The following ADARB2 variants were observed in gnomAD, a reference collection of about 807,000 sequenced individuals.
ADARB2 encodes inactive double-stranded RNA-specific editase B2.
A neutral mutation model predicts 62.2 loss-of-function variants in ADARB2; 25 were observed. That is an observed-to-expected ratio of 0.40 (90% CI 0.29 to 0.56). The LOEUF (loss-of-function observed/expected upper bound fraction) is 0.56, where lower values mean the gene tolerates loss of function less well. Among genes scored for constraint, ADARB2 ranks in the 20% least tolerant of loss-of-function variants. ADARB2 has a pLI of 0.43. For missense variants in ADARB2, 1,071 were observed against 1,077.4 expected, an observed-to-expected ratio of 0.99 and a Z score of 0.08; for synonymous variants, 572 against 500.8, an observed-to-expected ratio of 1.14 and a Z score of -1.90.
intron 1 of ADARB2, among the ~76,000 whole-genome samples, chr10:1,427,966 ATTT>A (rs1308185342): frequency 6.9e-6 from 1 of 144,512 alleles, no homozygotes; most frequent in Admixed American, 6.9e-5. Flanking sequence ...AGCCAGTCCC[ATTT>A]TTTTTTTTTT....
At chr10:1,709,602 G>A (rs995321620) in intron 1 of ADARB2, among the ~76,000 whole-genome samples, 1 of 152,214 alleles carries the variant, frequency 6.6e-6, no homozygotes. Flanking sequence ...TGTGTCATTA[G>A]AAAGAGTGAC....
chr10:1,489,027 G>T (rs180691993), intron 1 of ADARB2, among the ~76,000 whole-genome samples: 1 of 152,218 alleles, frequency 6.6e-6, no homozygotes, highest in Non-Finnish European at 1.5e-5. Flanking sequence ...GCTCCTGGCC[G>T]GGTGCCAGCA....
chr10:1,315,452 T>C (rs1034041310), intron 3 of ADARB2, among the ~76,000 whole-genome samples: 1 of 152,246 alleles, frequency 6.6e-6, no homozygotes, highest in African/African-American at 2.4e-5. Context: ...TCATGAAATA[T>C]TGATATGGTT....
At chr10:1,611,505 C>T (rs548277308) in intron 1 of ADARB2, among the ~76,000 whole-genome samples, 1 of 152,206 alleles carries the variant, frequency 6.6e-6, no homozygotes, top group South Asian at 2.1e-4. Context: ...TCCCCATTCC[C>T]CAAATGCTGG....
intron 1 of ADARB2, among the ~76,000 whole-genome samples, chr10:1,466,104 C>T (rs965629497): frequency 2.0e-5 from 3 of 152,264 alleles, no homozygotes; most frequent in East Asian, 1.9e-4. Flanking sequence ...TCCCGTCCAT[C>T]GGGTTAAACC....
intron 1 of ADARB2, among the ~76,000 whole-genome samples, chr10:1,721,449 T>C (rs1835091458): frequency 6.6e-6 from 1 of 152,240 alleles, no homozygotes; most frequent in Non-Finnish European, 1.5e-5. Flanking sequence ...AGTGGGATTC[T>C]ATTTATACTG....
chr10:1,429,888 C>T (rs1830762690), intron 1 of ADARB2, among the ~76,000 whole-genome samples: 1 of 152,114 alleles, frequency 6.6e-6, no homozygotes, highest in Non-Finnish European at 1.5e-5. Flanking sequence ...CTCTCTCCTC[C>T]CCTCATCTCC....
intron 1 of ADARB2, among the ~76,000 whole-genome samples, chr10:1,639,265 C>T (rs1383657625): frequency 2.0e-5 from 3 of 152,230 alleles, no homozygotes; most frequent in Non-Finnish European, 2.9e-5. Flanking sequence ...TGACCGCATC[C>T]AGGAGGCTGA....
chr10:1,636,689 T>G (rs1475085673), intron 1 of ADARB2, among the ~76,000 whole-genome samples: 1 of 150,926 alleles, frequency 6.6e-6, no homozygotes, highest in Non-Finnish European at 1.5e-5. Context: ...TAGATAGATA[T>G]CTATCTATCT....
At chr10:1,372,941 T>C (rs1832385918) in intron 2 of ADARB2, among the ~76,000 whole-genome samples, 1 of 151,988 alleles carries the variant, frequency 6.6e-6, no homozygotes, top group African/African-American at 2.4e-5. Context: ...ACCAAGGAGA[T>C]GAAAGATAGC....
intron 1 of ADARB2, among the ~76,000 whole-genome samples, chr10:1,567,181 C>G (rs1490186732): frequency 6.6e-6 from 1 of 151,872 alleles, no homozygotes; most frequent in East Asian, 1.9e-4. Flanking sequence ...GTGGGTCCTC[C>G]CCCCACCGAG....
chr10:1,467,517 CT>C (rs1181749423), intron 1 of ADARB2, among the ~76,000 whole-genome samples: 6 of 152,184 alleles, frequency 3.9e-5, no homozygotes. Flanking sequence ...GAAGCCACAT[CT>C]GGCTCAGGAT....
Position 1,216,988 on chromosome 10 carries a change from G to T in ADARB2, c.1645C>A (p.Gln549Lys). 6.2e-7 allele frequency: 1 copy of T among 1,609,334 alleles called. No homozygotes were observed. Residue 549 changes from glutamine to lysine, a missense_variant, in exon 7 of 10, where the codon CAG becomes AAG. Transcript: ENST00000381312. The part of the protein sequence containing the change: ...QTWDGVLLGE[Q>K]LITMSCTDKI... ...TCCGTGCAGGACATGGTGATCAGCT[G>T]CTCCCCCAGCAGGACGCCGTCCCAG...
intron 1 of ADARB2, among the ~76,000 whole-genome samples, chr10:1,712,312 A>G (rs1330579134): frequency 1.3e-5 from 2 of 152,350 alleles, no homozygotes; most frequent in African/African-American, 4.8e-5. Flanking sequence ...TTTATTATGT[A>G]AAAATTAATA....
intron 1 of ADARB2, among the ~76,000 whole-genome samples, chr10:1,637,821 C>A (rs965015221): frequency 6.6e-6 from 1 of 152,204 alleles, no homozygotes. Context: ...CCTACTGCTC[C>A]GGGCTGCCTC....
intron 1 of ADARB2, among the ~76,000 whole-genome samples, chr10:1,628,262 A>C (rs1054118109): frequency 6.6e-6 from 1 of 152,204 alleles, no homozygotes; most frequent in Non-Finnish European, 1.5e-5. Flanking sequence ...TCAGTACTTT[A>C]TGATAACAGC....
intron 1 of ADARB2, among the ~76,000 whole-genome samples, chr10:1,698,237 T>C (rs998854236): frequency 4.6e-5 from 7 of 152,196 alleles, no homozygotes; most frequent in South Asian, 2.1e-4. Context: ...ATGAACAGCC[T>C]TAATCAAGTT....
rs1835171031 is a variant in ADARB2, at chr10:1,726,781, C to G, written c.100+10270G>C. ...CTTGCAGGTGAGGGAGACTGGAGAG[C>G]AGCTGTGCATTCAGGAGGGAGGAGT... On this transcript the variant is annotated intron_variant, in intron 1 of 9. Transcript: ENST00000381312. Among the ~76,000 whole-genome samples the G allele has an allele frequency of 2.0e-5, 3 of 152,134 alleles. 1 individual carries two copies. In the South Asian group the frequency reaches 6.2e-4, roughly 32 times the overall value.
At chr10:1,344,379 T>A (rs1024909763) in intron 3 of ADARB2, among the ~76,000 whole-genome samples, 4 of 152,214 alleles carry the variant, frequency 2.6e-5, no homozygotes, top group African/African-American at 9.6e-5. Context: ...CAAAGCTGCA[T>A]GGCAGGAGAA....
Sources: allele counts gnomAD v4.1 joint callset (sites outside exome capture counted in the v4.1 genomes callset), GRCh38; gene constraint gnomAD v4.1.1; transcripts MANE v1.5; gene names NCBI Gene and HGNC (gene_info 2026-07-23, HGNC 2026-07-21).